Variants in MORC3 observed in about 807,000 individuals in gnomAD.
MORC3 encodes MORC family CW-type zinc finger protein 3.
In MORC3, 31 loss-of-function variants were observed where a neutral mutation model predicts 109.1. That is an observed-to-expected ratio of 0.28 (90% CI 0.21 to 0.38). The LOEUF is 0.38. MORC3 is among the 10% of genes least tolerant of loss of function. MORC3 has a pLI of 1.00. For missense variants in MORC3, 867 were observed against 1,135.8 expected, an observed-to-expected ratio of 0.76 and a Z score of 3.40; for synonymous variants, 395 against 380.7, an observed-to-expected ratio of 1.04 and a Z score of -0.44.
intron 13 of MORC3, 97 bp downstream of exon 13, chr21:36,362,325 C>T (rs112483476): frequency 7.4e-7 from 1 of 1,354,354 alleles, no homozygotes; most frequent in African/African-American, 1.5e-5. Context: ...GGTGGATCAC[C>T]TGAGGTCAGG....
At chr21:36,374,391 T>TA (rs971697221) in intron 16 of MORC3, among the ~76,000 whole-genome samples, 19 of 151,258 alleles carry the variant, frequency 1.3e-4, no homozygotes, top group East Asian at 1.2e-3. Flanking sequence ...GTGCCCGGCG[T>TA]AAAAAAAAAG....
chr21:36,348,974 A>G (rs1297518357), intron 8 of MORC3, among the ~76,000 whole-genome samples: 3 of 152,080 alleles, frequency 2.0e-5, no homozygotes, highest in African/African-American at 7.2e-5. Flanking sequence ...AGCCATGGTG[A>G]AACCCCGTCT....
intron 1 of MORC3, among the ~76,000 whole-genome samples, chr21:36,328,993 G>A (rs751703644): frequency 2.0e-5 from 3 of 150,626 alleles, no homozygotes; most frequent in Non-Finnish European, 4.4e-5. Flanking sequence ...ACTTCATAAC[G>A]TTTTAAGAAA....
chr21:36,321,545 T>A (rs2282106), intron 1 of MORC3, among the ~76,000 whole-genome samples: 73,214 of 150,580 alleles, frequency 0.49, 18,031 homozygotes, highest in East Asian at 0.63. Flanking sequence ...TTATTCTTTT[T>A]TTCTTTTTTT....
In MORC3 at chr21:36,344,624, C is replaced by T. The variant is rs761929700; in HGVS notation, c.802C>T (p.Leu268=). Residue 268 remains leucine, a synonymous_variant, in exon 7 of 17, where the codon CTA becomes TTA. Coordinates refer to ENST00000400485, the MANE Select transcript of MORC3 (RefSeq NM_015358.3). ...LYLKPRMQII[L]RGQKVKTQLV... ...TCTAAAGCCAAGAATGCAGATCATC[C>T]TACGTGGACAGAAAGTGAAGACACA... The T allele has an allele frequency of 5.6e-5, 91 of 1,613,930 alleles. No individual in the cohort carries two copies. The highest frequency in any genetic ancestry group is 7.4e-5 in the Non-Finnish European group (87 of 1,179,958).
intron 1 of MORC3, among the ~76,000 whole-genome samples, chr21:36,328,577 T>C (rs73381587): frequency 0.047 from 7,122 of 152,106 alleles, 536 homozygotes; most frequent in African/African-American, 0.16. Flanking sequence ...CTAACCTCAG[T>C]TGACCTACTC....
At position 36,322,170 on chromosome 21, in the gene MORC3, G is replaced by A. The variant is rs905529658; in HGVS notation, c.39+1867G>A. Among the ~76,000 whole-genome samples, 6 of 152,246 alleles carry A rather than the reference G, an allele frequency of 3.9e-5. No homozygotes were observed. The South Asian group carries it at 1.0e-3, about 26-fold the overall frequency. ...CATTTGTAAATGGTTGAGAAAAAAAGAAGAATGTTTAGTGACATAAAAATT... is the reference window on the plus strand; with the variant it reads ...CATTTGTAAATGGTTGAGAAAAAAAAAAGAATGTTTAGTGACATAAAAATT... On this transcript the variant is annotated intron_variant, in intron 1 of 16. Transcript: ENST00000400485.
intron 1 of MORC3, among the ~76,000 whole-genome samples, chr21:36,323,723 T>G (rs2085217674): frequency 1.3e-5 from 2 of 152,342 alleles, no homozygotes; most frequent in South Asian, 4.1e-4. Flanking sequence ...ATTGGGCACT[T>G]AGCCTGGAAG....
chr21:36,375,448 A>G lies in MORC3; in HGVS notation c.*152A>G. ...TATGCATTCAAATGTGGTCACAAAT[A>G]TTGTGGACACATTATCTTATGTTTT... is the stretch of plus-strand genomic sequence containing the variant. On this transcript the variant is annotated 3_prime_UTR_variant, in exon 17 of 17. Transcript: ENST00000400485. 3.1e-6 allele frequency: 2 copies of G among 652,446 alleles called. No individual in the cohort carries two copies. The highest frequency in any genetic ancestry group is 3.0e-5 in the East Asian group (1 of 33,190). 40.4% of individuals were successfully genotyped at this position (652,446 alleles called of 1,614,324 possible). A position where few individuals can be genotyped will look rare whatever the true frequency, so the allele number is the denominator to read the frequency against.
rs955310068 is a variant in MORC3 at position 36,332,484 on chromosome 21, C to G, written c.40-1162C>G. ...AGAACCGGAACAGGTTCTAAGCACT[C>G]TGGCCTGCAACGTGATCAGGCAATA... On this transcript the variant is annotated intron_variant, in intron 1 of 16. Coordinates refer to ENST00000400485, the MANE Select transcript of MORC3 (RefSeq NM_015358.3). Among the ~76,000 whole-genome samples, 8 of 152,236 alleles carry G rather than the reference C, an allele frequency of 5.3e-5. No individual in the cohort carries two copies. In the East Asian group the frequency reaches 5.8e-4, roughly 11 times the overall value.
chr21:36,324,876 T>A (rs1601505473), intron 1 of MORC3, among the ~76,000 whole-genome samples: 1 of 152,052 alleles, frequency 6.6e-6, no homozygotes, highest in Non-Finnish European at 1.5e-5. Flanking sequence ...CCTGGCTAAT[T>A]TTTTGTGTTT....
chr21:36,322,407 C>G (rs2085203669), intron 1 of MORC3, among the ~76,000 whole-genome samples: 1 of 152,122 alleles, frequency 6.6e-6, no homozygotes. Flanking sequence ...GAGTTTCACT[C>G]AGTCTCCAGG....
At chr21:36,345,678 C>T (rs2085499807) in intron 8 of MORC3, among the ~76,000 whole-genome samples, 1 of 152,116 alleles carries the variant, frequency 6.6e-6, no homozygotes, top group African/African-American at 2.4e-5. Flanking sequence ...CCTCAGCCTC[C>T]CAAAGTTCTG....
chr21:36,352,343 A>T (rs1019676733), intron 9 of MORC3, among the ~76,000 whole-genome samples: 6 of 150,860 alleles, frequency 4.0e-5, no homozygotes, highest in Non-Finnish European at 4.4e-5. Flanking sequence ...GATACCAGCC[A>T]TTCACTAAAT....
At chr21:36,362,904 A>C (rs1272945677) in intron 13 of MORC3, among the ~76,000 whole-genome samples, 3 of 152,096 alleles carry the variant, frequency 2.0e-5, no homozygotes, top group Non-Finnish European at 1.5e-5. Flanking sequence ...CAAACTTTAA[A>C]AATTGTACTG....
In MORC3 at chr21:36,330,692, C is replaced by T. The variant is rs202077688; in HGVS notation, c.40-2954C>T. Among the ~76,000 whole-genome samples, 3 of 152,180 alleles carry T rather than the reference C, an allele frequency of 2.0e-5. No homozygotes were observed. The East Asian group carries it at 5.8e-4, about 29-fold the overall frequency. Reference sequence around the variant, plus strand: ...GACAGTAGCCAGAGGTTTTACACCCCAAGGCCATGTCCCATGGTTAAGATG... The same window carrying T: ...GACAGTAGCCAGAGGTTTTACACCCTAAGGCCATGTCCCATGGTTAAGATG... On this transcript the variant is annotated intron_variant, in intron 1 of 16. Transcript: ENST00000400485.
chr21:36,343,787 C>G (rs1488727527), intron 6 of MORC3, among the ~76,000 whole-genome samples: 2 of 151,986 alleles, frequency 1.3e-5, no homozygotes, highest in Admixed American at 1.3e-4. Context: ...ATTCTTTAAT[C>G]CCAAGCTGTG....
At chr21:36,337,341 G>A (rs2835336) in intron 3 of MORC3, among the ~76,000 whole-genome samples, 68,468 of 151,984 alleles carry the variant, frequency 0.45, 16,314 homozygotes, top group East Asian at 0.59. Flanking sequence ...AACTTTTAGA[G>A]GAAGAGATTC....
chr21:36,336,944 A>G lies in MORC3; in HGVS notation c.183A>G (p.Ile61Met), dbSNP rs1569092341. The G allele has an allele frequency of 1.9e-6, 3 of 1,613,388 alleles. No homozygotes were observed. The highest frequency in any genetic ancestry group is 2.5e-6 in the Non-Finnish European group (3 of 1,179,540). ...ACAAAACAGTGATAAATGACCATAT[A>G]TGCTTGACATTCACCGACAATGGGA... ...WIDKTVINDH[I>M]CLTFTDNGNG... Residue 61 changes from isoleucine (I) to methionine (M), a missense_variant, in exon 3 of 17, where the codon ATA becomes ATG. By Grantham distance (10) the Ile-to-Met change is conservative. Coordinates refer to ENST00000400485, the MANE Select transcript of MORC3 (RefSeq NM_015358.3).
Sources: allele counts gnomAD v4.1 joint callset (sites outside exome capture counted in the v4.1 genomes callset), GRCh38; gene constraint gnomAD v4.1.1; transcripts MANE v1.5; gene names NCBI Gene and HGNC (gene_info 2026-07-23, HGNC 2026-07-21).